Variants in RARB observed in about 807,000 individuals in gnomAD.
RARB encodes retinoic acid receptor beta.
A neutral mutation model predicts 51.9 loss-of-function variants in RARB; 17 were observed. The ratio of observed to expected loss-of-function variants is 0.33; its 90% confidence interval spans 0.22 to 0.49. RARB has a LOEUF of 0.49. Ranked by LOEUF, RARB falls within the 20% of genes least tolerant of loss-of-function variation. The pLI, the probability that RARB is intolerant of heterozygous loss-of-function variation, is 0.99. For synonymous variants in RARB, 215 were observed against 195.4 expected, an observed-to-expected ratio of 1.10 and a Z score of -0.84; for missense variants, 369 against 550.8, an observed-to-expected ratio of 0.67 and a Z score of 3.30.
At chr3:25,320,239 A>G (rs948144620) in intron 5 of RARB, among the ~76,000 whole-genome samples, 4 of 152,150 alleles carry the variant, frequency 2.6e-5, no homozygotes, top group Non-Finnish European at 5.9e-5. Context: ...CAGAAAGAAT[A>G]TTAGGGCATT....
chr3:25,130,999 AT>A lies in RARB; in HGVS notation c.-327-1159del, dbSNP rs1353701336. On this transcript the variant is annotated intron_variant, in intron 3 of 11. Coordinates refer to the RARB transcript ENST00000383772. ...ATTATTGATAATATTATCAATATTT[AT>A]TTATTATTTATCAATGAAATTATAT... Among the ~76,000 whole-genome samples the A allele has an allele frequency of 3.2e-4, 9 of 28,336 alleles. 1 individual carries two copies. Among genetic ancestry groups the A allele is most frequent in the African/African-American group, 8.9e-4 (6 of 6,728 alleles). The allele number at this position is 28,336 out of a possible 152,430, so 18.6% of individuals were successfully genotyped here.
Position 25,256,300 on chromosome 3 carries a change from A to G in RARB, c.178+81725A>G, listed in dbSNP as rs111428575. ...TCAGAGAAAGGAATTAAACATACAT[A>G]TGTGAAGAATCTGAAGAACACACTG... is the stretch of plus-strand genomic sequence containing the variant. On this transcript the variant is annotated intron_variant, in intron 5 of 11. Coordinates refer to the RARB transcript ENST00000383772. Among the ~76,000 whole-genome samples the G allele has an allele frequency of 2.8e-3, 422 of 152,280 alleles. 2 individuals carry two copies. The highest frequency in any genetic ancestry group is 9.8e-3 in the African/African-American group (406 of 41,568).
chr3:25,543,537 T>C (rs1415208162), intron 3 of RARB, among the ~76,000 whole-genome samples: 1 of 152,108 alleles, frequency 6.6e-6, no homozygotes, highest in Non-Finnish European at 1.5e-5. Context: ...TTCTGGGTGG[T>C]TGGCCAAGGG....
intron 3 of RARB, among the ~76,000 whole-genome samples, chr3:25,069,161 A>G (rs1698721302): frequency 6.6e-6 from 1 of 151,890 alleles, no homozygotes; most frequent in African/African-American, 2.4e-5. Flanking sequence ...AGGAAAGGGA[A>G]GAGAAAGAAG....
chr3:25,418,907 T>G (rs78448342), intron 5 of RARB, among the ~76,000 whole-genome samples: 5,132 of 150,198 alleles, frequency 0.034, 234 homozygotes, highest in African/African-American at 0.098. Flanking sequence ...ATCCCTAGGT[T>G]CATGGCTGAG....
intron 3 of RARB, among the ~76,000 whole-genome samples, chr3:25,110,126 G>C (rs180952795): frequency 1.2e-4 from 18 of 152,252 alleles, no homozygotes; most frequent in Non-Finnish European, 2.6e-4. Context: ...TTCATACCAG[G>C]AGTGGTATCC....
At chr3:25,529,161 T>C (rs1478131252) in intron 3 of RARB, among the ~76,000 whole-genome samples, 1 of 152,012 alleles carries the variant, frequency 6.6e-6, no homozygotes, top group Non-Finnish European at 1.5e-5. Context: ...GTTAGTAAAG[T>C]GAAAGAGGCA....
At chr3:25,016,315 T>G (rs1697508560) in intron 2 of RARB, among the ~76,000 whole-genome samples, 1 of 152,218 alleles carries the variant, frequency 6.6e-6, no homozygotes, top group South Asian at 2.1e-4. Flanking sequence ...TTCTCAACTT[T>G]GCCACTCATA....
intron 2 of RARB, among the ~76,000 whole-genome samples, chr3:24,890,158 G>C (rs544025348): frequency 6.6e-6 from 1 of 152,122 alleles, no homozygotes; most frequent in African/African-American, 2.4e-5. Context: ...ACTTTATCAA[G>C]TTCCTAGCCT....
chr3:25,185,203 G>T (rs1359544538), intron 5 of RARB, among the ~76,000 whole-genome samples: 3 of 152,032 alleles, frequency 2.0e-5, no homozygotes, highest in Non-Finnish European at 4.4e-5. Flanking sequence ...TTGGGTATTA[G>T]AAAAGACATT....
intron 4 of RARB, among the ~76,000 whole-genome samples, chr3:25,139,311 C>T (rs1700076353): frequency 6.6e-6 from 1 of 152,074 alleles, no homozygotes; most frequent in Admixed American, 6.6e-5. Context: ...CACCAAACAG[C>T]CAAGTTGTGA....
intron 2 of RARB, among the ~76,000 whole-genome samples, chr3:24,893,376 A>C (rs890153572): frequency 6.6e-6 from 1 of 152,244 alleles, no homozygotes; most frequent in African/African-American, 2.4e-5. Context: ...TATTCATTTA[A>C]ATGCTTGAAG....
At chr3:25,179,800 A>C (rs770040061) in intron 5 of RARB, among the ~76,000 whole-genome samples, 1 of 152,124 alleles carries the variant, frequency 6.6e-6, no homozygotes, top group South Asian at 2.1e-4. Context: ...TTTCCCCCCA[A>C]AAACAAGAAT....
intron 3 of RARB, among the ~76,000 whole-genome samples, chr3:25,068,165 A>G (rs1474474148): frequency 7.2e-6 from 1 of 138,028 alleles, no homozygotes; most frequent in African/African-American, 2.8e-5. Flanking sequence ...AAAAAAAAAA[A>G]AAAAAAAAAA....
At chr3:25,436,161 C>G (rs1708428524) in intron 1 of RARB, among the ~76,000 whole-genome samples, 1 of 152,160 alleles carries the variant, frequency 6.6e-6, no homozygotes, top group African/African-American at 2.4e-5. Flanking sequence ...CTCTTGCTGC[C>G]TGTTTTGAGG....
intron 4 of RARB, among the ~76,000 whole-genome samples, chr3:25,578,899 C>T (rs1349779155): frequency 6.6e-6 from 1 of 152,218 alleles, no homozygotes; most frequent in Non-Finnish European, 1.5e-5. Context: ...CAGTACCTCT[C>T]CTGAGCTGTT....
intron 2 of RARB, among the ~76,000 whole-genome samples, chr3:25,053,825 T>A (rs1229271339): frequency 1.3e-5 from 2 of 152,172 alleles, no homozygotes; most frequent in Non-Finnish European, 1.5e-5. Flanking sequence ...AAGGCTATCA[T>A]CTCTCTTCCT....
intron 5 of RARB, among the ~76,000 whole-genome samples, chr3:25,284,162 T>G (rs1703593525): frequency 6.6e-6 from 1 of 152,144 alleles, no homozygotes; most frequent in Admixed American, 6.5e-5. Context: ...GTAGAGGAAC[T>G]AAGACCCTCC....
At chr3:25,464,090 T>C (rs1695316926) in intron 2 of RARB, among the ~76,000 whole-genome samples, 1 of 152,244 alleles carries the variant, frequency 6.6e-6, no homozygotes, top group Non-Finnish European at 1.5e-5. Flanking sequence ...GATTTTCTAA[T>C]GTTTATTTGA....
Sources: allele counts gnomAD v4.1 joint callset (sites outside exome capture counted in the v4.1 genomes callset), GRCh38; gene constraint gnomAD v4.1.1; transcripts MANE v1.5; gene names NCBI Gene and HGNC (gene_info 2026-07-23, HGNC 2026-07-21).